Variants in SLC12A7 observed in about 807,000 individuals in gnomAD.
SLC12A7 encodes solute carrier family 12 member 7.
Under a neutral mutation model 120.6 loss-of-function variants are expected in SLC12A7, and 100 were observed. That is an observed-to-expected ratio of 0.83 (90% CI 0.71 to 0.98). The LOEUF (loss-of-function observed/expected upper bound fraction) is 0.98, where lower values mean the gene tolerates loss of function less well. Among genes scored for constraint, SLC12A7 ranks in the 50% least tolerant of loss-of-function variants. The pLI, the probability that SLC12A7 is intolerant of heterozygous loss-of-function variation, is 0.00. For synonymous variants in SLC12A7, 760 were observed against 678.0 expected, an observed-to-expected ratio of 1.12 and a Z score of -1.88; for missense variants, 1,373 against 1,548.1, an observed-to-expected ratio of 0.89 and a Z score of 1.90.
intron 21 of SLC12A7, 76 bp from the exon 22 acceptor site, chr5:1,057,725 C>T (rs1473745732): frequency 5.5e-5 from 78 of 1,417,460 alleles, no homozygotes; most frequent in Non-Finnish European, 6.8e-5. Flanking sequence ...GATGCCAGGC[C>T]GGAGGTGAGG....
chr5:1,051,265 C>T lies in SLC12A7; in HGVS notation c.*1095G>A, dbSNP rs1249050891. 3.0e-5 allele frequency: 7 copies of T among 234,260 alleles called. No individual in the cohort carries two copies. The allele number at this position is 234,260 out of a possible 1,614,324, so 14.5% of individuals were successfully genotyped here. ...GGGACTCAGCCAGACAGACCTGACACCAGGCGCCACTGCTGCCTGAGGACC... is the reference window on the plus strand; with the variant it reads ...GGGACTCAGCCAGACAGACCTGACATCAGGCGCCACTGCTGCCTGAGGACC... On this transcript the variant is annotated 3_prime_UTR_variant, in exon 24 of 24. Transcript: ENST00000264930.
At chr5:1,057,055 A>G (rs1049749587) in intron 22 of SLC12A7, among the ~76,000 whole-genome samples, 3 of 152,188 alleles carry the variant, frequency 2.0e-5, no homozygotes, top group Non-Finnish European at 4.4e-5. Flanking sequence ...CGCAGGGCTG[A>G]CTTCAGGGCT....
In SLC12A7 at chr5:1,061,446, CCG is replaced by C. The variant is rs1406681839; in HGVS notation, c.2740-997_2740-996del. On this transcript the variant is annotated intron_variant, in intron 20 of 23. Coordinates refer to ENST00000264930, the MANE Select transcript of SLC12A7 (RefSeq NM_006598.3). ...CCCTGCGTCTCACCCACCGCACCCG[CCG>C]TGCGGGATCCCTGAGTCTCACCCGC... Among the ~76,000 whole-genome samples the C allele has an allele frequency of 2.5e-4, 18 of 71,038 alleles. 1 individual carries two copies. Among genetic ancestry groups the C allele is most frequent in the South Asian group, 2.2e-3 (4 of 1,810 alleles). The allele number at this position is 71,038 out of a possible 152,430, so 46.6% of individuals were successfully genotyped here.
At chr5:1,115,849 G>T (rs907956704), upstream of SLC12A7, among the ~76,000 whole-genome samples, 1 of 148,946 alleles carries the variant, frequency 6.7e-6, no homozygotes, top group African/African-American at 2.5e-5. Context: ...TCGGGGGAAG[G>T]GGGAGGGAAA....
At chr5:1,147,250 A>ACCCCCCCC in the SLC12A7 span, among the ~76,000 whole-genome samples, 10 of 108,774 alleles carry the variant, frequency 9.2e-5, no homozygotes, top group African/African-American at 1.0e-4. Context: ...CCACCCCGCC[A>ACCCCCCCC]CCCCCCCCGC....
intron 1 of SLC12A7, among the ~76,000 whole-genome samples, chr5:1,095,686 G>A (rs1262381907): frequency 6.6e-6 from 1 of 152,238 alleles, no homozygotes; most frequent in African/African-American, 2.4e-5. Flanking sequence ...AGCTGGGAGG[G>A]TGGGCATTCT....
intron 17 of SLC12A7, among the ~76,000 whole-genome samples, chr5:1,069,410 G>T (rs1472169012): frequency 6.6e-6 from 1 of 152,230 alleles, no homozygotes; most frequent in Non-Finnish European, 1.5e-5. Context: ...GGGAGGCGGT[G>T]GGGGGCGGCT....
intron 3 of SLC12A7, among the ~76,000 whole-genome samples, chr5:1,093,174 C>T (rs1740712232): frequency 6.6e-6 from 1 of 152,188 alleles, no homozygotes; most frequent in African/African-American, 2.4e-5. Context: ...GGCCACAGCA[C>T]CCTCTGGAAG....
At chr5:1,108,179 A>G (rs932190707) in intron 1 of SLC12A7, among the ~76,000 whole-genome samples, 11 of 152,252 alleles carry the variant, frequency 7.2e-5, no homozygotes, top group African/African-American at 2.7e-4. Context: ...CAAGGCACAT[A>G]GGTGCCCGCA....
chr5:1,105,961 C>T (rs1285909238), intron 1 of SLC12A7, among the ~76,000 whole-genome samples: 1 of 152,222 alleles, frequency 6.6e-6, no homozygotes, highest in Admixed American at 6.5e-5. Flanking sequence ...TGGCGGGCCT[C>T]ACACTCCCCA....
the SLC12A7 span, among the ~76,000 whole-genome samples, chr5:1,148,703 G>A: frequency 2.6e-5 from 4 of 152,322 alleles, no homozygotes; most frequent in African/African-American, 7.2e-5. Context: ...ACAGGGACAC[G>A]GAACAGAAGA....
chr5:1,089,036 C>A lies in SLC12A7; in HGVS notation c.435G>T (p.Val145=), dbSNP rs1184005408. 1 of 1,613,096 alleles carries A rather than the reference C, an allele frequency of 6.2e-7. No homozygotes were observed. The highest frequency in any genetic ancestry group is 2.2e-5 in the East Asian group (1 of 44,888). ...AGGACTCCAGGACACCAGCCACCCC[C>A]ACGATCCACGTCAGGCGCAGGAAGA... ...VILFLRLTWI[V]GVAGVLESFL... The change falls in exon 4 of 24, where the codon GTG becomes GTT. Residue 145 remains valine (V), a synonymous_variant. Transcript: ENST00000264930.
chr5:1,097,937 C>T (rs59081716), intron 1 of SLC12A7, among the ~76,000 whole-genome samples: 1 of 151,762 alleles, frequency 6.6e-6, no homozygotes, highest in Non-Finnish European at 1.5e-5. Flanking sequence ...TTGGGAGTGC[C>T]CACAAACGTT....
chr5:1,101,483 A>C (rs1220013725), intron 1 of SLC12A7, among the ~76,000 whole-genome samples: 1 of 152,088 alleles, frequency 6.6e-6, no homozygotes, highest in Non-Finnish European at 1.5e-5. Context: ...CCCAATAGCC[A>C]GCAAAGGCCG....
chr5:1,140,593 G>A, the SLC12A7 span, among the ~76,000 whole-genome samples: 1 of 152,234 alleles, frequency 6.6e-6, no homozygotes, highest in Non-Finnish European at 1.5e-5. Flanking sequence ...GACGGTGCCA[G>A]CATGCCCAGC....
chr5:1,081,527 AG>A (rs1473927154), intron 9 of SLC12A7, 49 bp downstream of exon 9: 1 of 1,567,152 alleles, frequency 6.4e-7, no homozygotes, highest in African/African-American at 1.4e-5. Flanking sequence ...GCCTCAAAAA[AG>A]AGAGGGAGAG....
intron 17 of SLC12A7, among the ~76,000 whole-genome samples, chr5:1,067,634 C>T (rs1737195609): frequency 1.3e-5 from 2 of 152,262 alleles, no homozygotes; most frequent in South Asian, 2.1e-4. Flanking sequence ...CCACTTCCTA[C>T]ATGACTGGCT....
At chr5:1,151,257 C>A in the SLC12A7 span, among the ~76,000 whole-genome samples, 2 of 152,230 alleles carry the variant, frequency 1.3e-5, no homozygotes, top group African/African-American at 2.4e-5. This position sits in a 1 kb window ranked among gnomAD's most constrained non-coding sequence, Gnocchi z 6.2. Context: ...TCTCCTTAAG[C>A]GGCAAAAACC....
chr5:1,098,111 C>CCCCCCTCTAACCCTCTGCACGCCCAGG (rs1741499046), intron 1 of SLC12A7, among the ~76,000 whole-genome samples: 1 of 132,342 alleles, frequency 7.6e-6, no homozygotes, highest in Non-Finnish European at 1.6e-5. Context: ...GCACACCCAG[C>CCCCCCTCTAACCCTCTGCACGCCCAGG]CCCCCTCTAA....
Sources: gnomAD v4.1 joint callset for allele counts (sites outside exome capture counted in the v4.1 genomes callset) on GRCh38, gnomAD v4.1.1 for gene constraint, Gnocchi (gnomAD v3.1) non-coding constraint, MANE v1.5 for transcripts, NCBI Gene and HGNC (gene_info 2026-07-23, HGNC 2026-07-21) for gene names.